Variants in KIAA0753 observed in about 807,000 individuals in gnomAD.
KIAA0753 encodes the protein protein moonraker.
In KIAA0753, 114 loss-of-function variants were observed where a neutral mutation model predicts 116.9. That is an observed-to-expected ratio of 0.98 (90% CI 0.84 to 1.14). The LOEUF (loss-of-function observed/expected upper bound fraction) is 1.14. Ranked by LOEUF, KIAA0753 falls within the 50% of genes most tolerant of loss-of-function variation. The pLI is 0.00. For missense variants in KIAA0753, 1,156 were observed against 1,172.4 expected, an observed-to-expected ratio of 0.99 and a Z score of 0.20; for synonymous variants, 405 against 413.1, an observed-to-expected ratio of 0.98 and a Z score of 0.24.
At chr17:6,600,303 A>G in intron 13 of KIAA0753, 77 bp downstream of exon 13, 2 of 1,134,604 alleles carry the variant, frequency 1.8e-6, no homozygotes, top group Non-Finnish European at 2.7e-6. Context: ...TAAAGGATCA[A>G]TGAGACCTCT....
chr17:6,622,141 A>G (rs1229223292), intron 6 of KIAA0753, among the ~76,000 whole-genome samples: 1 of 152,204 alleles, frequency 6.6e-6, no homozygotes, highest in African/African-American at 2.4e-5. Flanking sequence ...ATGAAAATGT[A>G]TGGCGTAGGG....
chr17:6,619,754 G>T (rs1285691676), intron 7 of KIAA0753, among the ~76,000 whole-genome samples: 1 of 151,266 alleles, frequency 6.6e-6, no homozygotes, highest in African/African-American at 2.4e-5. Context: ...TTTAAAAAAA[G>T]AAAAAAGAAA....
intron 8 of KIAA0753, among the ~76,000 whole-genome samples, chr17:6,610,516 C>CTTTTTTTTTTTTTTTTTTTT (rs71157206): frequency 2.6e-5 from 3 of 113,444 alleles, no homozygotes; most frequent in Admixed American, 1.1e-4. Context: ...TTTTCTTTCT[C>CTTTTTTTTTTTTTTTTTTTT]TTTTTTTTTT....
intron 7 of KIAA0753, among the ~76,000 whole-genome samples, chr17:6,615,163 G>C (rs1162865732): frequency 6.6e-6 from 1 of 152,082 alleles, no homozygotes; most frequent in African/African-American, 2.4e-5. Context: ...TCCAACTCCT[G>C]ACCTCAGGTG....
chr17:6,594,294 T>A (rs1969305356), intron 16 of KIAA0753, among the ~76,000 whole-genome samples: 1 of 140,292 alleles, frequency 7.1e-6, no homozygotes, highest in Admixed American at 7.2e-5. Flanking sequence ...CCCCCAGAAC[T>A]ATAGGAGAAT....
intron 3 of KIAA0753, among the ~76,000 whole-genome samples, chr17:6,626,882 C>T (rs1971701006): frequency 6.6e-6 from 1 of 152,202 alleles, no homozygotes; most frequent in African/African-American, 2.4e-5. Flanking sequence ...TAGGCCAGAT[C>T]ACCAGAGCAG....
At chr17:6,623,605 A>AC in intron 4 of KIAA0753, 34 bp from the exon 5 acceptor site, 1 of 1,590,264 alleles carries the variant, frequency 6.3e-7, no homozygotes, top group Non-Finnish European at 8.5e-7. Flanking sequence ...AAAACTTCAT[A>AC]CCTTTCCATT....
In KIAA0753 at chr17:6,611,958, C is replaced by T. The variant is rs540414385; in HGVS notation, c.1506G>A (p.Pro502=). The change falls in exon 8 of 19, where the codon CCG becomes CCA. Residue 502 remains proline, a synonymous_variant. Transcript: ENST00000361413. ...GCGCCAGAGTATCTTTCTTCCTAAA[C>T]GGCACATTCTCAGTCACAGGCTTCT... ...GKKKPVTENV[P]FRKKDTLAPA... 189 of 1,614,072 alleles carry T rather than the reference C, an allele frequency of 1.2e-4. 1 individual carries two copies. In the South Asian group the frequency reaches 1.7e-3, roughly 15 times the overall value.
chr17:6,607,040 C>T, intron 11 of KIAA0753, 78 bp from the exon 12 acceptor site: 3 of 1,467,106 alleles, frequency 2.0e-6, no homozygotes, highest in Non-Finnish European at 2.9e-6. Context: ...GTCTTGGCTC[C>T]CCCCTTGGCT....
At chr17:6,605,800 C>T (rs1002926507) in intron 12 of KIAA0753, among the ~76,000 whole-genome samples, 1 of 151,710 alleles carries the variant, frequency 6.6e-6, no homozygotes, top group African/African-American at 2.4e-5. Context: ...GATGGTGGTG[C>T]GTGGATGTTC....
At chr17:6,607,054 T>C (rs1970242950) in intron 11 of KIAA0753, 92 bp from the exon 12 acceptor site, 2 of 1,428,830 alleles carry the variant, frequency 1.4e-6, no homozygotes, top group Non-Finnish European at 2.0e-6. Context: ...CTTGGCTTCT[T>C]AAGTGACTTC....
intron 16 of KIAA0753, among the ~76,000 whole-genome samples, chr17:6,592,041 G>A (rs1045741601): frequency 1.3e-5 from 2 of 152,260 alleles, no homozygotes; most frequent in Admixed American, 6.5e-5. Context: ...CCAGTGCAGA[G>A]ATGCCAGGGA....
In KIAA0753 at chr17:6,579,738, A is replaced by G. The variant is rs1391935026; in HGVS notation, c.*9T>C. On this transcript the variant is annotated 3_prime_UTR_variant, in exon 19 of 19. Coordinates refer to ENST00000361413, the MANE Select transcript of KIAA0753 (RefSeq NM_014804.3). ...AGTGTGACACAAATGGCCTCGCCTC[A>G]GAGAGCCTTTATGTAGCAGCCTCTA... 7 of 1,589,528 alleles carry G rather than the reference A, an allele frequency of 4.4e-6. No individual in the cohort carries two copies. In the Admixed American group the frequency reaches 5.0e-5, roughly 11 times the overall value.
intron 7 of KIAA0753, among the ~76,000 whole-genome samples, chr17:6,619,979 T>C (rs770293661): frequency 2.6e-5 from 4 of 152,214 alleles, no homozygotes; most frequent in Non-Finnish European, 4.4e-5. Flanking sequence ...TTGTCATCAA[T>C]TAATAATGAT....
In KIAA0753 at chr17:6,579,852, C is replaced by G. The variant is rs1422768163; in HGVS notation, c.2799G>C (p.Glu933Asp). 2 of 1,613,278 alleles carry G rather than the reference C, an allele frequency of 1.2e-6. No individual in the cohort carries two copies. The highest frequency in any genetic ancestry group is 2.7e-5 in the African/African-American group (2 of 74,886). ...PWLIAESFSE[E>D]LVDEALGAVA... The stretch of plus-strand genomic sequence containing the variant: ...CAGCACCCAGAGCTTCATCTACCAG[C>G]TCTTCTGAAAAGCTGGAAGACAAAC... Residue 933 changes from glutamate to aspartate, a missense_variant, in exon 19 of 19, where the codon GAG (glutamate) becomes GAC (aspartate). Glu to Asp is a conservative substitution (Grantham distance 45, BLOSUM62 2). Coordinates refer to ENST00000361413, the MANE Select transcript of KIAA0753 (RefSeq NM_014804.3).
intron 12 of KIAA0753, among the ~76,000 whole-genome samples, chr17:6,602,699 T>C (rs1452208112): frequency 6.6e-6 from 1 of 152,218 alleles, no homozygotes; most frequent in East Asian, 1.9e-4. Context: ...GCGTTTTGGT[T>C]ACCCAGGGAT....
At chr17:6,618,730 A>T (rs1196855213) in intron 7 of KIAA0753, among the ~76,000 whole-genome samples, 1 of 152,236 alleles carries the variant, frequency 6.6e-6, no homozygotes, top group Admixed American at 6.5e-5. Context: ...ATTGAGAAAT[A>T]AATCAACTGA....
chr17:6,633,648 T>C (rs957321920), intron 2 of KIAA0753, among the ~76,000 whole-genome samples: 15 of 152,130 alleles, frequency 9.9e-5, no homozygotes, highest in African/African-American at 3.1e-4. Flanking sequence ...TGTCCATTAA[T>C]TGGAGAACGG....
chr17:6,609,922 T>C (rs1377529391), intron 9 of KIAA0753, 72 bp downstream of exon 9: 3 of 1,535,738 alleles, frequency 2.0e-6, no homozygotes, highest in South Asian at 2.4e-5. Context: ...CCTTATAAGC[T>C]ACAGGTCACC....
Sources: gnomAD v4.1 joint callset for allele counts (sites outside exome capture counted in the v4.1 genomes callset) on GRCh38, gnomAD v4.1.1 for gene constraint, MANE v1.5 for transcripts, NCBI Gene and HGNC (gene_info 2026-07-23, HGNC 2026-07-21) for gene names.